The following ANK2 variants were observed in gnomAD, a reference collection of about 807,000 sequenced individuals.
ANK2 encodes the protein ankyrin-2.
In ANK2, 83 loss-of-function variants were observed where a neutral mutation model predicts 360.5. The ratio of observed to expected loss-of-function variants is 0.23; its 90% CI spans 0.19 to 0.28. The LOEUF (loss-of-function observed/expected upper bound fraction) is 0.28. Among genes scored for constraint, ANK2 ranks in the 10% least tolerant of loss-of-function variants. The pLI is 1.00. For missense variants in ANK2, 4,201 were observed against 4,795.7 expected (o/e 0.88, Z 3.66); for synonymous variants, 1,740 against 1,759.5 (o/e 0.99, Z 0.28).
rs113727294 is a variant in ANK2, at chr4:112,827,933, A to C, written c.-40+9669A>C. 5.8e-3 allele frequency among the ~76,000 whole-genome samples: 877 copies of C among 152,332 alleles called. 6 individuals carry two copies. Among genetic ancestry groups the C allele is most frequent in the African/African-American group, 0.02 (826 of 41,574 alleles). On this transcript the variant is annotated intron_variant, in intron 1 of 30. Transcript: ENST00000503271. The stretch of plus-strand genomic sequence containing the variant: ...AAGCAATCCTAAGCAAAAAGAACAA[A>C]GCTGGAGGCATTACACTGCTGATCT...
chr4:113,072,742 A>ATTTTTTTTTTTTTTTTTTTTTTTTTT (rs34098456), intron 1 of ANK2, among the ~76,000 whole-genome samples: 1 of 74,220 alleles, frequency 1.3e-5, no homozygotes, highest in African/African-American at 4.5e-5. Context: ...ACTTGGCATA[A>ATTTTTTTTTTTTTTTTTTTTTTTTTT]TTTTTTTTTT....
chr4:112,915,076 A>G (rs2089275071), intron 2 of ANK2, among the ~76,000 whole-genome samples: 3 of 152,174 alleles, frequency 2.0e-5, no homozygotes, highest in South Asian at 2.1e-4. Context: ...TTTAGGGCCT[A>G]TATGTTCTGA....
chr4:113,190,354 C>T (rs1023194888), intron 2 of ANK2, among the ~76,000 whole-genome samples: 1 of 152,064 alleles, frequency 6.6e-6, no homozygotes, highest in Non-Finnish European at 1.5e-5. Context: ...AAGCAATCCT[C>T]CCGCCTCGGC....
At chr4:113,211,234 G>T (rs183490131) in intron 4 of ANK2, among the ~76,000 whole-genome samples, 1 of 152,320 alleles carries the variant, frequency 6.6e-6, no homozygotes, top group East Asian at 1.9e-4. Context: ...TGAGCACAAT[G>T]TATCGAGCTA....
intron 29 of ANK2, among the ~76,000 whole-genome samples, chr4:113,334,000 C>T (rs1313792212): frequency 2.0e-5 from 3 of 152,164 alleles, no homozygotes; most frequent in African/African-American, 7.2e-5. Flanking sequence ...TAAGTAACTA[C>T]ACAAATAGGG....
chr4:112,719,457 G>A, the ANK2 span, among the ~76,000 whole-genome samples: 1 of 152,084 alleles, frequency 6.6e-6, no homozygotes, highest in African/African-American at 2.4e-5. Flanking sequence ...GGCCGGGCAC[G>A]GTGGCTCAAT....
intron 1 of ANK2, among the ~76,000 whole-genome samples, chr4:113,158,343 C>T (rs1337273290): frequency 6.6e-6 from 1 of 152,182 alleles, no homozygotes; most frequent in East Asian, 1.9e-4. Context: ...ATGAGTAATT[C>T]TCTTACTTGA....
intron 4 of ANK2, among the ~76,000 whole-genome samples, chr4:113,211,917 A>G (rs533297118): frequency 1.1e-3 from 163 of 152,216 alleles, no homozygotes; most frequent in African/African-American, 3.7e-3. Flanking sequence ...GTTCCTTTCT[A>G]TACAGTTAAA....
At chr4:112,733,489 T>A in the ANK2 span, among the ~76,000 whole-genome samples, 3,169 of 152,310 alleles carry the variant, frequency 0.021, 53 homozygotes, top group South Asian at 0.059. Context: ...ATTTCATACA[T>A]GTACACATTT....
chr4:113,010,425 A>G (rs985811580), intron 2 of ANK2, among the ~76,000 whole-genome samples: 6 of 152,188 alleles, frequency 3.9e-5, no homozygotes, highest in Non-Finnish European at 2.9e-5. Context: ...TTACTTATTC[A>G]TCCATTTATT....
chr4:112,958,622 G>C (rs939344669), intron 2 of ANK2, among the ~76,000 whole-genome samples: 2 of 150,972 alleles, frequency 1.3e-5, no homozygotes, highest in East Asian at 2.0e-4. Flanking sequence ...AGAGGGAGAG[G>C]GGGGAGAGGG....
chr4:113,343,044 G>T lies in ANK2; in HGVS notation c.4150G>T (p.Asp1384Tyr), dbSNP rs1411614012. 6.2e-7 allele frequency: 1 copy of T among 1,613,818 alleles called. No individual in the cohort carries two copies. Among genetic ancestry groups the T allele is most frequent in the Non-Finnish European group, 8.5e-7 (1 of 1,179,902 alleles). Residue 1384 changes from aspartate to tyrosine, a missense_variant, in exon 34 of 46, where the codon GAT becomes TAT. Asp to Tyr is a radical substitution (Grantham distance 160, BLOSUM62 -3). Coordinates refer to ENST00000357077, the MANE Select transcript of ANK2 (RefSeq NM_001148.6). ...GTTAGAAGGAAAACCCATCTACGTT[G>T]ATTGTTTCGGCAACTTGGTACCATT... ...EVLEGKPIYV[D>Y]CFGNLVPLTK...
At chr4:112,727,912 C>T in the ANK2 span, among the ~76,000 whole-genome samples, 2 of 151,790 alleles carry the variant, frequency 1.3e-5, no homozygotes, top group Non-Finnish European at 2.9e-5. Context: ...GGGAGGCGGA[C>T]GTTGCGGTGA....
At chr4:112,713,944 AC>A in the ANK2 span, among the ~76,000 whole-genome samples, 16,416 of 131,434 alleles carry the variant, frequency 0.12, 1,113 homozygotes, top group South Asian at 0.22. Flanking sequence ...AAAAAAAAAA[AC>A]AAAAAAAAAA....
chr4:113,317,405 T>C (rs1275506699), intron 24 of ANK2: 2 of 410,224 alleles, frequency 4.9e-6, no homozygotes, highest in Non-Finnish European at 9.2e-6. Context: ...GTACTGGCAG[T>C]AATAAACTAC....
rs573479964 is a variant in ANK2 at position 113,292,605 on chromosome 4, TC to T, written c.2376+93del. The T allele has an allele frequency of 1.4e-4, 186 of 1,316,548 alleles. No individual in the cohort carries two copies. In the African/African-American group the frequency reaches 2.4e-3, roughly 17 times the overall value. 81.6% of individuals were successfully genotyped at this position (1,316,548 alleles called of 1,614,324 possible). On this transcript the variant is annotated intron_variant, in intron 21 of 45. Transcript: ENST00000357077. ...TTGTCTGAGCTGAGTGAGGTCAGAT[TC>T]CTCCTCTTTAAATAAGCCCCCTGGA...
chr4:112,891,163 CT>C, intron 1 of ANK2, among the ~76,000 whole-genome samples: 1 of 152,268 alleles, frequency 6.6e-6, no homozygotes, highest in East Asian at 1.9e-4. Flanking sequence ...GGTTTTGTGA[CT>C]TGCCTCGTGC....
At chr4:112,740,134 G>T in the ANK2 span, among the ~76,000 whole-genome samples, 5 of 151,650 alleles carry the variant, frequency 3.3e-5, no homozygotes, top group African/African-American at 1.2e-4. Context: ...TTTAGTTAAA[G>T]TTCTGTTCTG....
At chr4:113,352,039 C>T (rs1314329069) in intron 37 of ANK2, among the ~76,000 whole-genome samples, 5 of 152,170 alleles carry the variant, frequency 3.3e-5, no homozygotes, top group Non-Finnish European at 5.9e-5. Flanking sequence ...TGCATGGACT[C>T]ATAGGGAAAT....
Sources: allele counts gnomAD v4.1 joint callset (sites outside exome capture counted in the v4.1 genomes callset), GRCh38; gene constraint gnomAD v4.1.1; transcripts MANE v1.5; gene names NCBI Gene and HGNC (gene_info 2026-07-23, HGNC 2026-07-21).